Variants in ITGBL1 observed in about 807,000 individuals in gnomAD.
ITGBL1 encodes integrin subunit beta like 1, also known as integrin beta-like protein 1.
A neutral mutation model predicts 68.5 loss-of-function variants in ITGBL1; 51 were observed. The ratio of observed to expected loss-of-function variants is 0.74; its 90% CI spans 0.59 to 0.94. The LOEUF (loss-of-function observed/expected upper bound fraction) is 0.94, where lower values mean the gene tolerates loss of function less well. ITGBL1 is among the 40% of genes least tolerant of loss of function. The pLI is 0.00. For synonymous variants in ITGBL1, 209 were observed against 227.3 expected, an observed-to-expected ratio of 0.92 and a Z score of 0.72; for missense variants, 649 against 647.4, an observed-to-expected ratio of 1.00 and a Z score of -0.03.
chr13:101,614,778 A>T (rs1451939119), intron 7 of ITGBL1, among the ~76,000 whole-genome samples: 1 of 152,076 alleles, frequency 6.6e-6, no homozygotes, highest in East Asian at 1.9e-4. Context: ...GCTCCTCAGG[A>T]CCAATGCTGG....
At chr13:101,509,175 G>A (rs377498728) in intron 2 of ITGBL1, among the ~76,000 whole-genome samples, 5 of 152,082 alleles carry the variant, frequency 3.3e-5, no homozygotes, top group Admixed American at 1.3e-4. Flanking sequence ...CACATCTTAC[G>A]TGGATGGTGG....
At chr13:101,567,119 T>C (rs778515819) in intron 2 of ITGBL1, among the ~76,000 whole-genome samples, 1 of 152,112 alleles carries the variant, frequency 6.6e-6, no homozygotes, top group Admixed American at 6.6e-5. Context: ...AAAATGACTA[T>C]TGAGAACATT....
chr13:101,464,525 C>T (rs1427357889), intron 2 of ITGBL1, among the ~76,000 whole-genome samples: 1 of 151,574 alleles, frequency 6.6e-6, no homozygotes, highest in South Asian at 2.1e-4. Flanking sequence ...GGGTCTCTCT[C>T]TCTCTCTATA....
intron 2 of ITGBL1, among the ~76,000 whole-genome samples, chr13:101,553,876 G>A (rs1415157338): frequency 6.6e-6 from 1 of 152,068 alleles, no homozygotes; most frequent in Non-Finnish European, 1.5e-5. Context: ...CCAGGTTCAA[G>A]CAATTCAACT....
intron 7 of ITGBL1, among the ~76,000 whole-genome samples, chr13:101,621,609 T>C (rs2031586788): frequency 6.6e-6 from 1 of 152,174 alleles, no homozygotes; most frequent in Non-Finnish European, 1.5e-5. Context: ...CTAGAATTTT[T>C]ATTCCACCTT....
chr13:101,487,434 A>C (rs549208889), intron 2 of ITGBL1, among the ~76,000 whole-genome samples: 7 of 152,154 alleles, frequency 4.6e-5, no homozygotes, highest in African/African-American at 1.7e-4. Flanking sequence ...GGATTCAAAA[A>C]TATGATTGTA....
In ITGBL1 at chr13:101,575,497, G is replaced by C. The variant is rs1421267796; in HGVS notation, c.537G>C (p.Glu179Asp). 1 of 1,612,732 alleles carries C rather than the reference G, an allele frequency of 6.2e-7. No homozygotes were observed. The highest frequency in any genetic ancestry group is 1.3e-5 in the African/African-American group (1 of 74,954). Residue 179 changes from glutamate (E) to aspartate (D), a missense_variant, in exon 4 of 11, where the codon GAG becomes GAC. By Grantham distance (45) the Glu-to-Asp change is conservative. Coordinates refer to ENST00000376180, the MANE Select transcript of ITGBL1 (RefSeq NM_004791.3). ...GSGLVYGKFCECDDRECIDDE... is the reference protein window; with the variant it reads ...GSGLVYGKFCDCDDRECIDDE... ...GACTTGTGTATGGTAAATTTTGTGA[G>C]TGTGACGATAGAGAATGCATAGACG... is the stretch of plus-strand genomic sequence containing the variant.
Position 101,706,806 on chromosome 13 carries a change from G to A in ITGBL1, c.1183G>A (p.Gly395Arg). ...GRCVCERGWF[G>R]KLCQHPRKCN... ...CTGTGTTTGTGAGAGAGGATGGTTTGGAAAGCTCTGCCAACATCCGCGGAA... is the reference window on the plus strand; with the variant it reads ...CTGTGTTTGTGAGAGAGGATGGTTTAGAAAGCTCTGCCAACATCCGCGGAA... The change falls in exon 9 of 11, where the codon GGA (glycine) becomes AGA (arginine). Residue 395 changes from glycine (G) to arginine (R), a missense_variant. By Grantham distance (125) the Gly-to-Arg change is moderately radical. Transcript: ENST00000376180. 1 of 1,614,176 alleles carries A rather than the reference G, an allele frequency of 6.2e-7. No homozygotes were observed.
At chr13:101,652,349 C>T (rs2032780315) in intron 7 of ITGBL1, among the ~76,000 whole-genome samples, 1 of 152,094 alleles carries the variant, frequency 6.6e-6, no homozygotes. Flanking sequence ...GCCATGTGAC[C>T]TTATGTAAGT....
chr13:101,484,861 A>G (rs774692428), intron 2 of ITGBL1, among the ~76,000 whole-genome samples: 6 of 152,126 alleles, frequency 3.9e-5, no homozygotes, highest in Non-Finnish European at 7.4e-5. Flanking sequence ...GTATATCCAC[A>G]AGCACAAGAC....
chr13:101,712,804 T>C (rs2034535527), intron 9 of ITGBL1: 1 of 152,116 alleles, frequency 6.6e-6, no homozygotes, highest in Non-Finnish European at 1.5e-5. Context: ...AAGAAAGTCT[T>C]CAAAATTAGG....
intron 2 of ITGBL1, among the ~76,000 whole-genome samples, chr13:101,492,852 CTT>C (rs2048800439): frequency 6.6e-6 from 1 of 152,194 alleles, no homozygotes; most frequent in South Asian, 2.1e-4. Context: ...AATATTAACT[CTT>C]TCTTTCTTCG....
At chr13:101,580,719 G>A (rs1443917556) in intron 5 of ITGBL1, among the ~76,000 whole-genome samples, 1 of 152,148 alleles carries the variant, frequency 6.6e-6, no homozygotes, top group African/African-American at 2.4e-5. Flanking sequence ...CTTGAACTCT[G>A]GTACTGTGGA....
intron 2 of ITGBL1, among the ~76,000 whole-genome samples, chr13:101,461,433 C>A (rs77954555): frequency 1.5e-4 from 23 of 152,232 alleles, no homozygotes; most frequent in African/African-American, 5.5e-4. Context: ...GCTCACATCG[C>A]CTGTAATCCT....
intron 2 of ITGBL1, among the ~76,000 whole-genome samples, chr13:101,545,933 C>T (rs188367187): frequency 1.4e-4 from 21 of 152,162 alleles, no homozygotes; most frequent in African/African-American, 4.8e-4. Flanking sequence ...TCCCCAAAGT[C>T]CCACAGCAGA....
chr13:101,473,913 T>C (rs1398280270), intron 2 of ITGBL1, among the ~76,000 whole-genome samples: 1 of 152,178 alleles, frequency 6.6e-6, no homozygotes, highest in African/African-American at 2.4e-5. Context: ...AAAGAGCACC[T>C]GGGTTTTGAA....
At chr13:101,571,099 A>G (rs765867618) in intron 3 of ITGBL1, among the ~76,000 whole-genome samples, 13 of 152,200 alleles carry the variant, frequency 8.5e-5, no homozygotes, top group Non-Finnish European at 1.3e-4. Context: ...TTCCAGTCCA[A>G]CCTCACAGGA....
intron 7 of ITGBL1, among the ~76,000 whole-genome samples, chr13:101,639,836 A>G (rs188421137): frequency 1.3e-5 from 2 of 152,274 alleles, no homozygotes; most frequent in African/African-American, 4.8e-5. Flanking sequence ...ATAGCACTAT[A>G]TAGACAACAC....
At chr13:101,712,214 C>A (rs945188487) in intron 9 of ITGBL1, 1 of 152,180 alleles carries the variant, frequency 6.6e-6, no homozygotes. Flanking sequence ...CATTGACAAA[C>A]AGGAAAGAAT....
Sources: allele counts gnomAD v4.1 joint callset (sites outside exome capture counted in the v4.1 genomes callset), GRCh38; gene constraint gnomAD v4.1.1; transcripts MANE v1.5; gene names NCBI Gene and HGNC (gene_info 2026-07-23, HGNC 2026-07-21).